Variants in MYT1L observed in about 807,000 individuals in gnomAD.
MYT1L encodes myelin transcription factor 1-like protein.
MYT1L carries 12 observed loss-of-function variants against 126.7 expected under a neutral mutation model. The ratio of observed to expected loss-of-function variants is 0.09; its 90% CI spans 0.06 to 0.15. The LOEUF is 0.15. MYT1L is among the 10% of genes least tolerant of loss of function. The probability of loss-of-function intolerance (pLI) is 1.00; values close to 1 mark genes in which losing one functional copy is unlikely to be tolerated. For missense variants in MYT1L, 979 were observed against 1,585.2 expected, an observed-to-expected ratio of 0.62 and a Z score of 6.49; for synonymous variants, 541 against 604.2, an observed-to-expected ratio of 0.90 and a Z score of 1.53.
chr2:1,803,187 T>A (rs967914759), intron 22 of MYT1L, among the ~76,000 whole-genome samples: 1 of 152,138 alleles, frequency 6.6e-6, no homozygotes, highest in East Asian at 1.9e-4. Context: ...AAATACCCAA[T>A]GCAAAAAATC....
chr2:2,306,386 A>G (rs555307670), intron 1 of MYT1L, among the ~76,000 whole-genome samples: 2 of 152,284 alleles, frequency 1.3e-5, no homozygotes, highest in Admixed American at 1.3e-4. Flanking sequence ...TAAGTAGGTA[A>G]AGTAAAATGC....
chr2:1,886,731 T>C (rs1053198106), intron 17 of MYT1L, 124 bp from the exon 18 acceptor site: 2 of 462,796 alleles, frequency 4.3e-6, no homozygotes, highest in African/African-American at 2.0e-5. Context: ...GTGCTGTATA[T>C]TGAATTTTTT....
chr2:2,279,887 C>T (rs760667571), intron 2 of MYT1L, among the ~76,000 whole-genome samples: 9 of 152,142 alleles, frequency 5.9e-5, no homozygotes, highest in Admixed American at 4.6e-4. Context: ...TAGCAGACAG[C>T]ACTTACGTGA....
intron 3 of MYT1L, among the ~76,000 whole-genome samples, chr2:2,171,867 T>C (rs2090101387): frequency 6.6e-6 from 1 of 152,112 alleles, no homozygotes; most frequent in Non-Finnish European, 1.5e-5. Context: ...CAGTGGTAAG[T>C]AGTTCTATTA....
At chr2:2,095,380 T>C (rs866293854) in intron 3 of MYT1L, among the ~76,000 whole-genome samples, 1 of 152,202 alleles carries the variant, frequency 6.6e-6, no homozygotes. Flanking sequence ...AGTATGGGCA[T>C]TGTTGTTACA....
At chr2:1,948,127 C>T (rs767266259) in intron 8 of MYT1L, among the ~76,000 whole-genome samples, 2 of 152,146 alleles carry the variant, frequency 1.3e-5, no homozygotes, top group Admixed American at 6.5e-5. Context: ...ATGAAGTGTA[C>T]GTTTCAGTAC....
intron 1 of MYT1L, among the ~76,000 whole-genome samples, chr2:2,317,440 C>T (rs186258742): frequency 2.6e-5 from 4 of 152,030 alleles, no homozygotes; most frequent in South Asian, 2.1e-4. Context: ...ACAAGGGCAC[C>T]GAGAGGCAGA....
intron 1 of MYT1L, among the ~76,000 whole-genome samples, chr2:2,307,987 A>G (rs1232671396): frequency 1.3e-5 from 2 of 151,768 alleles, no homozygotes. Flanking sequence ...AGCACACTCT[A>G]CCTACACTCC....
intron 3 of MYT1L, among the ~76,000 whole-genome samples, chr2:2,089,569 C>T (rs2076701721): frequency 6.6e-6 from 1 of 152,116 alleles, no homozygotes; most frequent in South Asian, 2.1e-4. Context: ...TGCAGAAAGT[C>T]TTAAACATCA....
intron 14 of MYT1L, among the ~76,000 whole-genome samples, chr2:1,898,544 C>G (rs1004314121): frequency 1.3e-5 from 2 of 152,218 alleles, no homozygotes; most frequent in Non-Finnish European, 2.9e-5. Context: ...CCTGGCCTGC[C>G]CTGGCCCTAG....
chr2:2,144,526 T>C (rs1223114272), intron 3 of MYT1L, among the ~76,000 whole-genome samples: 1 of 152,076 alleles, frequency 6.6e-6, no homozygotes, highest in Admixed American at 6.6e-5. Context: ...AATACTATGG[T>C]TTTTCTAAGC....
chr2:1,818,992 GGCCCCCA>G (rs1385627171), intron 21 of MYT1L, among the ~76,000 whole-genome samples: 2 of 152,106 alleles, frequency 1.3e-5, no homozygotes, highest in Non-Finnish European at 2.9e-5. Flanking sequence ...CCACCCAGAT[GGCCCCCA>G]GCTCCCAGCT....
At chr2:2,210,646 T>C (rs1231105598) in intron 2 of MYT1L, among the ~76,000 whole-genome samples, 6 of 152,228 alleles carry the variant, frequency 3.9e-5, no homozygotes, top group Non-Finnish European at 8.8e-5. Flanking sequence ...TAGTATACTC[T>C]GAAGTCAGGT....
At chr2:2,082,752 T>C (rs2075973200) in intron 3 of MYT1L, among the ~76,000 whole-genome samples, 2 of 152,160 alleles carry the variant, frequency 1.3e-5, no homozygotes, top group Admixed American at 6.6e-5. Context: ...GCAACCTCTT[T>C]GAAATTTCCC....
intron 2 of MYT1L, among the ~76,000 whole-genome samples, chr2:2,235,462 C>T (rs1386389083): frequency 6.6e-6 from 1 of 152,148 alleles, no homozygotes; most frequent in Non-Finnish European, 1.5e-5. Flanking sequence ...TTAGTGTCAC[C>T]CTCACAGCAT....
Position 1,922,900 on chromosome 2 carries a change from G to A in MYT1L, c.869C>T (p.Ser290Leu), listed in dbSNP as rs776657807. The A allele has an allele frequency of 8.7e-6, 14 of 1,613,824 alleles. No individual in the cohort carries two copies. The highest frequency in any genetic ancestry group is 6.7e-5 in the African/African-American group (5 of 74,904). The change falls in exon 10 of 25, where the codon TCG (serine) becomes TTG (leucine). Residue 290 changes from serine (S) to leucine (L), a missense_variant. Coordinates refer to ENST00000647738, the MANE Select transcript of MYT1L (RefSeq NM_001303052.2). The surrounding 1 kb of genome is among the most constrained non-coding windows in gnomAD (Gnocchi z 7.4). ...ATTCATATTTCTACTGTCTTGCTGCGACATGCTGTCTGCATAATTTCTGTC... is the reference window on the plus strand; with the variant it reads ...ATTCATATTTCTACTGTCTTGCTGCAACATGCTGTCTGCATAATTTCTGTC... Reference protein sequence around the residue: ...MNDRNYADSMSQQDSRNMNYV... With the variant: ...MNDRNYADSMLQQDSRNMNYV...
intron 19 of MYT1L, among the ~76,000 whole-genome samples, chr2:1,850,930 G>C (rs143210551): frequency 3.9e-5 from 6 of 152,092 alleles, no homozygotes; most frequent in Non-Finnish European, 8.8e-5. Context: ...ATTGCATGGC[G>C]CCTGGACCTC....
chr2:2,114,140 C>A (rs886670247), intron 3 of MYT1L, among the ~76,000 whole-genome samples: 3 of 152,226 alleles, frequency 2.0e-5, no homozygotes, highest in Non-Finnish European at 4.4e-5. Flanking sequence ...AGCTGGAGCT[C>A]AGAGTAATAC....
At chr2:1,851,767 T>G (rs1244502611) in intron 18 of MYT1L, 64 bp from the exon 19 acceptor site, 13 of 1,499,346 alleles carry the variant, frequency 8.7e-6, no homozygotes, top group African/African-American at 2.8e-5. Context: ...ACAATTAACT[T>G]TTTTTTAATC....
Sources: allele counts gnomAD v4.1 joint callset (sites outside exome capture counted in the v4.1 genomes callset), GRCh38; gene constraint gnomAD v4.1.1; non-coding constraint Gnocchi (gnomAD v3.1); transcripts MANE v1.5; gene names NCBI Gene and HGNC (gene_info 2026-07-23, HGNC 2026-07-21).